Variants in PDCD7 observed in about 807,000 individuals in gnomAD.
The protein encoded by PDCD7 is programmed cell death 7.
Under a neutral mutation model 42.1 loss-of-function variants are expected in PDCD7, and 40 were observed. The observed-to-expected ratio is 0.95, with a 90% confidence interval of 0.74 to 1.24. The LOEUF is 1.24. Ranked by LOEUF, PDCD7 falls within the 50% of genes most tolerant of loss-of-function variation. The pLI is 0.00. For synonymous variants in PDCD7, 299 were observed against 303.3 expected, an observed-to-expected ratio of 0.99 and a Z score of 0.15; for missense variants, 644 against 662.8, an observed-to-expected ratio of 0.97 and a Z score of 0.31.
At position 65,133,623 on chromosome 15, in the gene PDCD7, G is replaced by A. The variant is rs2087562912; in HGVS notation, c.159C>T (p.Ala53=). ...GAGCCAGCGGAGGCTGAAGGAAGGG[G>A]GCGGAGGCCCCCGGAAAAGGGCCGG... ...QRPGPFPGAS[A]PFLQPPLALQ... The change falls in exon 1 of 5, where the codon GCC becomes GCT. Residue 53 remains alanine (A), a synonymous_variant. Coordinates refer to ENST00000204549, the MANE Select transcript of PDCD7 (RefSeq NM_005707.2). 2 of 1,250,210 alleles carry A rather than the reference G, an allele frequency of 1.6e-6. No individual in the cohort carries two copies. Among genetic ancestry groups the A allele is most frequent in the Non-Finnish European group, 2.0e-6 (2 of 995,294 alleles). 77.4% of individuals were successfully genotyped at this position (1,250,210 alleles called of 1,614,324 possible). A position where few individuals can be genotyped will look rare whatever the true frequency, so the allele number is the denominator to read the frequency against.
chr15:65,130,385 T>G (rs1459514274), intron 1 of PDCD7, among the ~76,000 whole-genome samples: 1 of 152,178 alleles, frequency 6.6e-6, no homozygotes, highest in East Asian at 1.9e-4. Flanking sequence ...CCCGAACTCC[T>G]GACCTCAGGT....
At position 65,133,055 on chromosome 15, in the gene PDCD7, G is replaced by T. The variant is rs752965901; in HGVS notation, c.727C>A (p.Arg243=). Residue 243 remains arginine (R), a synonymous_variant, in exon 1 of 5, where the codon CGG becomes AGG. Coordinates refer to ENST00000204549, the MANE Select transcript of PDCD7 (RefSeq NM_005707.2). ...GEARRRLERV[R]RRRLRLRERA... is the part of the protein sequence containing the mutation. ...TCGCGAAGCCGCAGCCGGCGGCGCC[G>T]GACCCTCTCCAGCCTCCTCCGCGCC... The T allele has an allele frequency of 2.5e-6, 4 of 1,587,890 alleles. No individual in the cohort carries two copies. The highest frequency in any genetic ancestry group is 2.6e-6 in the Non-Finnish European group (3 of 1,173,410).
Position 65,118,634 on chromosome 15 carries a change from A to G in PDCD7, c.*83T>C. The stretch of plus-strand genomic sequence containing the variant: ...ACATGGAATTTAGAAGTTGCAGTTT[A>G]GTCTACAGCAAAAGATGGCACCATC... On this transcript the variant is annotated 3_prime_UTR_variant, in exon 5 of 5. Transcript: ENST00000204549. 7.2e-7 allele frequency: 1 copy of G among 1,389,244 alleles called. No homozygotes were observed. Among genetic ancestry groups the G allele is most frequent in the South Asian group, 1.6e-5 (1 of 62,916 alleles). The allele number at this position is 1,389,244 out of a possible 1,614,324, so 86.1% of individuals were successfully genotyped here.
At chr15:65,130,946 T>C (rs952284719) in intron 1 of PDCD7, among the ~76,000 whole-genome samples, 1 of 152,128 alleles carries the variant, frequency 6.6e-6, no homozygotes, top group Non-Finnish European at 1.5e-5. Flanking sequence ...GCACCTATAG[T>C]TGAATTCCTA....
intron 2 of PDCD7, among the ~76,000 whole-genome samples, chr15:65,126,552 G>A (rs1484094605): frequency 4.6e-5 from 7 of 152,110 alleles, no homozygotes; most frequent in East Asian, 3.9e-4. Flanking sequence ...CCAGGAGTTC[G>A]AGACCAGCTT....
At position 65,121,381 on chromosome 15, in the gene PDCD7, A is replaced by T. The variant is rs1042774206; in HGVS notation, c.1010-1427T>A. Among the ~76,000 whole-genome samples, 3 of 152,008 alleles carry T rather than the reference A, an allele frequency of 2.0e-5. No homozygotes were observed. The East Asian group carries it at 5.8e-4, about 29-fold the overall frequency. On this transcript the variant is annotated intron_variant, in intron 2 of 4. Coordinates refer to ENST00000204549, the MANE Select transcript of PDCD7 (RefSeq NM_005707.2). ...ACTTTGTTTATTTCTAATGGTCTTGATCCTCCACTTGAAACAGTGAGCTCA... is the reference window on the plus strand; with the variant it reads ...ACTTTGTTTATTTCTAATGGTCTTGTTCCTCCACTTGAAACAGTGAGCTCA...
intron 1 of PDCD7, among the ~76,000 whole-genome samples, chr15:65,132,585 C>A (rs1428963455): frequency 1.3e-5 from 2 of 152,068 alleles, no homozygotes; most frequent in African/African-American, 4.8e-5. Context: ...TAGGGCAGTA[C>A]AAGACACAAG....
chr15:65,125,840 A>G (rs1180943255), intron 2 of PDCD7, among the ~76,000 whole-genome samples: 1 of 152,208 alleles, frequency 6.6e-6, no homozygotes, highest in African/African-American at 2.4e-5. Context: ...TAATTTATAA[A>G]AGAGGTTTAA....
chr15:65,119,590 C>G, intron 3 of PDCD7, 127 bp from the exon 4 acceptor site: 1 of 1,242,270 alleles, frequency 8.0e-7, no homozygotes, highest in Non-Finnish European at 1.2e-6. Context: ...TCCATGAGTT[C>G]TATGACACAG....
At chr15:65,120,004 A>G in intron 2 of PDCD7, 50 bp from the exon 3 acceptor site, 6 of 1,558,154 alleles carry the variant, frequency 3.9e-6, no homozygotes, top group Non-Finnish European at 5.2e-6. Flanking sequence ...TTTTTGAGAC[A>G]AGGCCTCGCT....
In PDCD7 at chr15:65,118,517, T is replaced by G; in HGVS notation, c.*200A>C. The G allele has an allele frequency of 2.1e-6, 1 of 480,046 alleles. No homozygotes were observed. Among genetic ancestry groups the G allele is most frequent in the Non-Finnish European group, 3.4e-6 (1 of 294,354 alleles). 29.7% of individuals were successfully genotyped at this position (480,046 alleles called of 1,614,324 possible). On this transcript the variant is annotated 3_prime_UTR_variant, in exon 5 of 5. Coordinates refer to ENST00000204549, the MANE Select transcript of PDCD7 (RefSeq NM_005707.2). ...AAAAACCTCAGTTCACCTAAGTCCTTTCCTGAAAAACCACATTAATCTGAT... is the reference window on the plus strand; with the variant it reads ...AAAAACCTCAGTTCACCTAAGTCCTGTCCTGAAAAACCACATTAATCTGAT...
In PDCD7 at chr15:65,133,093, G is replaced by T. The variant is rs2087556509; in HGVS notation, c.689C>A (p.Ala230Asp). 6 of 1,562,650 alleles carry T rather than the reference G, an allele frequency of 3.8e-6. No homozygotes were observed. The East Asian group carries it at 1.4e-4, about 37-fold the overall frequency. Reference protein sequence around the residue: ...AERLQPLTQAAYVGEARRRLE... With the variant: ...AERLQPLTQADYVGEARRRLE... ...CCTCCTCCGCGCCTCGCCCACATAG[G>T]CAGCCTGGGTCAACGGCTGTAGCCG... is the stretch of plus-strand genomic sequence containing the variant. Residue 230 changes from alanine to aspartate, a missense_variant, in exon 1 of 5, where the codon GCC becomes GAC. By Grantham distance (126) the Ala-to-Asp change is moderately radical. Transcript: ENST00000204549.
rs539184816 is a variant in PDCD7, at chr15:65,127,458, C to T, written c.1009+1574G>A. Among the ~76,000 whole-genome samples the T allele has an allele frequency of 9.5e-3, 1,304 of 137,510 alleles. 13 individuals are homozygous for T. Among genetic ancestry groups the T allele is most frequent in the African/African-American group, 0.033 (1,235 of 36,950 alleles). The allele number at this position is 137,510 out of a possible 152,430, so 90.2% of individuals were successfully genotyped here. ...CGGCCTGGGCGACAGAGCGAGACTC[C>T]GTCTCAAAAAAAAAAAAAAAAAAAA... On this transcript the variant is annotated intron_variant, in intron 2 of 4. Coordinates refer to ENST00000204549, the MANE Select transcript of PDCD7 (RefSeq NM_005707.2).
At chr15:65,118,881 T>C in intron 4 of PDCD7, 41 bp from the exon 5 acceptor site, 1 of 1,437,432 alleles carries the variant, frequency 7.0e-7, no homozygotes, top group Non-Finnish European at 9.3e-7. Flanking sequence ...ATTTCTGTTT[T>C]ATTCCAAATA....
chr15:65,117,677 G>A lies in PDCD7; in HGVS notation c.*1040C>T, dbSNP rs141782247. 6.6e-6 allele frequency: 1 copy of A among 152,166 alleles called. No homozygotes were observed. Among genetic ancestry groups the A allele is most frequent in the East Asian group, 1.9e-4 (1 of 5,180 alleles). The allele number at this position is 152,166 out of a possible 1,614,324, so 9.4% of individuals were successfully genotyped here. On this transcript the variant is annotated 3_prime_UTR_variant, in exon 5 of 5. Transcript: ENST00000204549. ...CTCCCCAGTAGCTGGGACTACAGGT[G>A]TGCACCACCTACGCCCAGCTAATAT... is the stretch of plus-strand genomic sequence containing the variant.
intron 2 of PDCD7, among the ~76,000 whole-genome samples, 158 bp from the exon 3 acceptor site, chr15:65,120,112 C>T (rs544820216): frequency 1.3e-5 from 2 of 152,204 alleles, no homozygotes; most frequent in South Asian, 4.2e-4. Context: ...TCCCAAGTAG[C>T]TACAAGTACA....
intron 2 of PDCD7, among the ~76,000 whole-genome samples, chr15:65,122,231 G>A (rs1566971704): frequency 6.6e-6 from 1 of 152,008 alleles, no homozygotes; most frequent in African/African-American, 2.4e-5. Context: ...AACTACTCAG[G>A]AGGCTAAGCC....
chr15:65,120,670 T>G (rs953908643), intron 2 of PDCD7, among the ~76,000 whole-genome samples: 2 of 151,960 alleles, frequency 1.3e-5, no homozygotes, highest in African/African-American at 4.8e-5. Context: ...ATCACACCAC[T>G]GCACTCCAGC....
chr15:65,125,654 G>A (rs1406136689), intron 2 of PDCD7, among the ~76,000 whole-genome samples: 2 of 152,136 alleles, frequency 1.3e-5, no homozygotes, highest in Non-Finnish European at 2.9e-5. Flanking sequence ...TGCCAGGACT[G>A]TTTTAAGTAC....
Sources: allele counts gnomAD v4.1 joint callset (sites outside exome capture counted in the v4.1 genomes callset), GRCh38; gene constraint gnomAD v4.1.1; transcripts MANE v1.5; gene names NCBI Gene and HGNC (gene_info 2026-07-23, HGNC 2026-07-21).